The following SARDH variants were observed in gnomAD, a reference collection of about 807,000 sequenced individuals.
SARDH encodes sarcosine dehydrogenase, mitochondrial.
A neutral mutation model predicts 109.1 loss-of-function variants in SARDH; 95 were observed. That is an observed-to-expected ratio of 0.87 (90% CI 0.74 to 1.03). The LOEUF is 1.03. SARDH is among the 50% of genes least tolerant of loss of function. SARDH has a pLI of 0.00. For synonymous variants in SARDH, 572 were observed against 534.8 expected (o/e 1.07, Z -0.96); for missense variants, 1,267 against 1,287.8 (o/e 0.98, Z 0.25).
intron 17 of SARDH, 95 bp downstream of exon 17, chr9:133,685,098 C>T: frequency 9.3e-7 from 1 of 1,076,038 alleles, no homozygotes; most frequent in Admixed American, 2.3e-5. Context: ...GGCAAAGGAA[C>T]CTGCCCGAGA....
chr9:133,663,269 G>A (rs1025402856), downstream of SARDH, among the ~76,000 whole-genome samples: 1 of 152,232 alleles, frequency 6.6e-6, no homozygotes, highest in Admixed American at 6.5e-5. Context: ...CGGCTCCTCT[G>A]TGTTCCCGGG....
Position 133,664,325 on chromosome 9 carries a change from C to T in SARDH, c.2632-311G>A, listed in dbSNP as rs138313103. ...AGATGCCTGGGAAACAGCAGCAACA[C>T]GGTGGCTTCCCCGGACCCGGGCAAG... On this transcript the variant is annotated intron_variant, in intron 20 of 20. Transcript: ENST00000439388. Among the ~76,000 whole-genome samples, 412 of 152,364 alleles carry T rather than the reference C, an allele frequency of 2.7e-3. 5 individuals are homozygous for T. The highest frequency in any genetic ancestry group is 9.6e-3 in the African/African-American group (401 of 41,578).
At chr9:133,732,838 A>G (rs1413889221) in intron 2 of SARDH, among the ~76,000 whole-genome samples, 3 of 152,116 alleles carry the variant, frequency 2.0e-5, no homozygotes, top group Non-Finnish European at 4.4e-5. Flanking sequence ...AAAGGCCCCC[A>G]TTTTTGGAGC....
At chr9:133,706,293 T>G (rs1257607884) in intron 11 of SARDH, among the ~76,000 whole-genome samples, 1 of 152,152 alleles carries the variant, frequency 6.6e-6, no homozygotes, top group Non-Finnish European at 1.5e-5. Context: ...GCAACGAAAT[T>G]TGGACACATT....
chr9:133,666,261 C>G lies in SARDH; in HGVS notation c.2631+474G>C, dbSNP rs1263542956. ...TAGTCGGTCACCCTGGGGGCCACCC[C>G]TGCACCCCAGGCAAAGGGTGGGCTG... On this transcript the variant is annotated intron_variant, in intron 20 of 20. Transcript: ENST00000439388. This position sits in a 1 kb window ranked among gnomAD's most constrained non-coding sequence, Gnocchi z 5.2. 6.6e-6 allele frequency among the ~76,000 whole-genome samples: 1 copy of G among 152,014 alleles called. No homozygotes were observed. Among genetic ancestry groups the G allele is most frequent in the Non-Finnish European group, 1.5e-5 (1 of 67,974 alleles).
chr9:133,667,758 G>A, intron 19 of SARDH, among the ~76,000 whole-genome samples: 1 of 152,120 alleles, frequency 6.6e-6, no homozygotes, highest in Non-Finnish European at 1.5e-5. Context: ...TCAGCCTGGA[G>A]TCACTGTTTG....
Position 133,731,310 on chromosome 9 carries a change from C to G in SARDH, c.685G>C (p.Ala229Pro), listed in dbSNP as rs1310320679. The change falls in exon 4 of 21, where the codon GCA becomes CCA. Residue 229 changes from alanine to proline, a missense_variant. By Grantham distance (27) the Ala-to-Pro change is conservative. Coordinates refer to ENST00000439388, the MANE Select transcript of SARDH (RefSeq NM_001134707.2). ...TLARAASARGAQVIENCPVTG... is the reference protein window; with the variant it reads ...TLARAASARGPQVIENCPVTG... ...AGCCAGGCGGCCATCAGTACCTGTG[C>G]TCCTCGGGCAGAAGCTGCCCTGGCG... 1.2e-6 allele frequency: 2 copies of G among 1,613,926 alleles called. No homozygotes were observed. The highest frequency in any genetic ancestry group is 8.5e-7 in the Non-Finnish European group (1 of 1,179,970).
chr9:133,659,542 T>C (rs1035405342), downstream of SARDH, among the ~76,000 whole-genome samples: 1 of 152,186 alleles, frequency 6.6e-6, no homozygotes, highest in African/African-American at 2.4e-5. Context: ...CTGGAGACAG[T>C]AACAGATGCA....
rs751568063 is a variant in SARDH, at chr9:133,730,147, G to A, written c.731C>T (p.Thr244Met). 48 of 1,614,204 alleles carry A rather than the reference G, an allele frequency of 3.0e-5. No homozygotes were observed. The highest frequency in any genetic ancestry group is 3.3e-4 in the Middle Eastern group (2 of 6,062). Residue 244 changes from threonine to methionine, a missense_variant, in exon 5 of 21, where the codon ACG becomes ATG. Thr to Met is a moderately conservative substitution (Grantham distance 81). Transcript: ENST00000439388. ...NCPVTGIRVW[T>M]DDFGVRRVAG... ...GACCCGCCGCACCCCAAAATCATCC[G>A]TCCACACACGAATGCCGGTCACTGG...
rs2131467780 is a variant in SARDH, at chr9:133,718,930, C to T, written c.1020+8G>A. On this transcript the variant is annotated splice_region_variant and intron_variant, in intron 7 of 20. Coordinates refer to ENST00000439388, the MANE Select transcript of SARDH (RefSeq NM_001134707.2). This position sits in a 1 kb window ranked among gnomAD's most constrained non-coding sequence, Gnocchi z 4.2. ...CCCTCCCATTATCCCAGGGCCCTGGCATCTTACCTCCTCCCAAAAGATGGG... is the reference window on the plus strand; with the variant it reads ...CCCTCCCATTATCCCAGGGCCCTGGTATCTTACCTCCTCCCAAAAGATGGG... The T allele has an allele frequency of 6.2e-7, 1 of 1,605,954 alleles. No individual in the cohort carries two copies. Among genetic ancestry groups the T allele is most frequent in the Non-Finnish European group, 8.5e-7 (1 of 1,172,662 alleles).
chr9:133,712,688 C>T lies in SARDH; in HGVS notation c.1259G>A (p.Cys420Tyr). The T allele has an allele frequency of 6.2e-7, 1 of 1,609,732 alleles. No individual in the cohort carries two copies. The highest frequency in any genetic ancestry group is 1.3e-5 in the African/African-American group (1 of 75,002). ...NSAGMMLGGG[C>Y]GQELAHWIIH... is the part of the protein sequence containing the mutation. The stretch of plus-strand genomic sequence containing the variant: ...GATCCAGTGGGCCAGCTCCTGCCCA[C>T]AGCCACCACCCAGCATCATTCCTGG... The change falls in exon 10 of 21, where the codon TGT becomes TAT. Residue 420 changes from cysteine to tyrosine, a missense_variant. By Grantham distance (194) the Cys-to-Tyr change is radical (BLOSUM62 -2). Coordinates refer to ENST00000439388, the MANE Select transcript of SARDH (RefSeq NM_001134707.2). The surrounding 1 kb of genome is among the most constrained non-coding windows in gnomAD (Gnocchi z 4.1).
chr9:133,670,500 T>C, intron 19 of SARDH, 84 bp downstream of exon 19: 2 of 1,436,510 alleles, frequency 1.4e-6, no homozygotes, highest in Non-Finnish European at 1.9e-6. Flanking sequence ...TACCAGGGGC[T>C]TTGAGTGGGG....
Position 133,666,794 on chromosome 9 carries a change from C to G in SARDH, c.2572G>C (p.Gly858Arg). ...VVGHVRRADF[G>R]FAIDKTIAYG... ...GCGATGGTCTTGTCGATGGCGAACCCAAAGTCAGCCCTCCGGACATGGCCC... is the reference window on the plus strand; with the variant it reads ...GCGATGGTCTTGTCGATGGCGAACCGAAAGTCAGCCCTCCGGACATGGCCC... Residue 858 changes from glycine to arginine, a missense_variant, in exon 20 of 21, where the codon GGG becomes CGG. Gly to Arg is a moderately radical substitution (Grantham distance 125, BLOSUM62 -2). Coordinates refer to ENST00000439388, the MANE Select transcript of SARDH (RefSeq NM_001134707.2). The surrounding 1 kb of genome is among the most constrained non-coding windows in gnomAD (Gnocchi z 5.2). 4 of 1,606,018 alleles carry G rather than the reference C, an allele frequency of 2.5e-6. No individual in the cohort carries two copies. Among genetic ancestry groups the G allele is most frequent in the Non-Finnish European group, 3.4e-6 (4 of 1,176,544 alleles).
chr9:133,705,073 G>A (rs1355059625), intron 11 of SARDH, 42 bp from the exon 12 acceptor site: 1 of 1,537,178 alleles, frequency 6.5e-7, no homozygotes, highest in South Asian at 1.2e-5. Context: ...CGCATGGCCT[G>A]ATACCCCTGC....
intron 17 of SARDH, among the ~76,000 whole-genome samples, chr9:133,678,086 G>A (rs1830579106): frequency 6.6e-6 from 1 of 152,222 alleles, no homozygotes; most frequent in South Asian, 2.1e-4. Context: ...CCCCAAGGAT[G>A]AGAGGACCCC....
chr9:133,667,906 C>A (rs1437514905), intron 19 of SARDH, among the ~76,000 whole-genome samples: 2 of 152,144 alleles, frequency 1.3e-5, no homozygotes, highest in South Asian at 4.1e-4. Flanking sequence ...TGTGGCAGGG[C>A]TGTTCTCTGT....
intron 17 of SARDH, among the ~76,000 whole-genome samples, chr9:133,681,753 G>A (rs904649449): frequency 6.6e-6 from 1 of 152,198 alleles, no homozygotes; most frequent in African/African-American, 2.4e-5. Context: ...GACGGTGCTG[G>A]GAGGTACACC....
At chr9:133,659,593 T>A (rs1832384665), downstream of SARDH, among the ~76,000 whole-genome samples, 1 of 152,140 alleles carries the variant, frequency 6.6e-6, no homozygotes, top group East Asian at 1.9e-4. Flanking sequence ...CCCAGCCTCA[T>A]GGGGAGAGAG....
intron 13 of SARDH, among the ~76,000 whole-genome samples, chr9:133,697,744 CT>C: frequency 6.6e-6 from 1 of 152,146 alleles, no homozygotes; most frequent in Non-Finnish European, 1.5e-5. Flanking sequence ...GCACAACAAA[CT>C]AGGACTATAA....
Sources: allele counts gnomAD v4.1 joint callset (sites outside exome capture counted in the v4.1 genomes callset), GRCh38; gene constraint gnomAD v4.1.1; non-coding constraint Gnocchi (gnomAD v3.1); transcripts MANE v1.5; gene names NCBI Gene and HGNC (gene_info 2026-07-23, HGNC 2026-07-21).